OLFML2B: variants seen among roughly 807,000 people sequenced by gnomAD.
OLFML2B encodes the protein olfactomedin like 2B, also known as olfactomedin-like protein 2B.
A neutral mutation model predicts 74.9 loss-of-function variants in OLFML2B; 57 were observed. The observed-to-expected ratio is 0.76, with a 90% CI of 0.61 to 0.95. The LOEUF (loss-of-function observed/expected upper bound fraction) is 0.95. OLFML2B is among the 40% of genes least tolerant of loss of function. OLFML2B has a pLI of 0.00. For missense variants in OLFML2B, 986 were observed against 970.6 expected, an observed-to-expected ratio of 1.02 and a Z score of -0.21; for synonymous variants, 388 against 405.8, an observed-to-expected ratio of 0.96 and a Z score of 0.53.
At chr1:162,019,418 C>T (rs569218696) in intron 2 of OLFML2B, among the ~76,000 whole-genome samples, 1 of 152,288 alleles carries the variant, frequency 6.6e-6, no homozygotes, top group East Asian at 1.9e-4. Context: ...TCAGCCAACC[C>T]ATGGGGCTGC....
At chr1:161,994,730 C>A (rs531410927) in intron 6 of OLFML2B, among the ~76,000 whole-genome samples, 2 of 152,216 alleles carry the variant, frequency 1.3e-5, no homozygotes, top group Non-Finnish European at 2.9e-5. Context: ...TAGAGCTACA[C>A]TACGGCCAAA....
chr1:162,015,214 C>T (rs12119861), intron 3 of OLFML2B, among the ~76,000 whole-genome samples: 6,638 of 152,306 alleles, frequency 0.044, 217 homozygotes, highest in Middle Eastern at 0.082. Flanking sequence ...GTAACTAAAA[C>T]TGTTTTTTGC....
At position 161,983,522 on chromosome 1, in the gene OLFML2B, A is replaced by G; in HGVS notation, c.*153T>C. On this transcript the variant is annotated 3_prime_UTR_variant, in exon 8 of 8. Coordinates refer to ENST00000294794, the MANE Select transcript of OLFML2B (RefSeq NM_015441.3). ...ATTGATCTACAATCCATATAAAAAAATAGACCCAAATTGTCATTTTACATT... is the reference window on the plus strand; with the variant it reads ...ATTGATCTACAATCCATATAAAAAAGTAGACCCAAATTGTCATTTTACATT... 1.2e-6 allele frequency: 1 copy of G among 816,040 alleles called. No individual in the cohort carries two copies. Among genetic ancestry groups the G allele is most frequent in the Non-Finnish European group, 1.9e-6 (1 of 534,136 alleles). The allele number at this position is 816,040 out of a possible 1,614,324, so 50.5% of individuals were successfully genotyped here.
In OLFML2B at chr1:161,983,766, G is replaced by A. The variant is rs780240007; in HGVS notation, c.2162C>T (p.Thr721Met). 22 of 1,613,922 alleles carry A rather than the reference G, an allele frequency of 1.4e-5. No individual in the cohort carries two copies. Among genetic ancestry groups the A allele is most frequent in the South Asian group, 5.5e-5 (5 of 91,076 alleles). ...RLLFENEYSYTTQIDYNPKDR... is the reference protein window; with the variant it reads ...RLLFENEYSYMTQIDYNPKDR... Reference sequence around the variant, plus strand: ...CTTGGGGTTGTAGTCTATCTGGGTCGTATAGGAATACTCATTCTCGAACAG... The same window carrying A: ...CTTGGGGTTGTAGTCTATCTGGGTCATATAGGAATACTCATTCTCGAACAG... Residue 721 changes from threonine (T) to methionine (M), a missense_variant, in exon 8 of 8, where the codon ACG (threonine) becomes ATG (methionine). Thr to Met is a moderately conservative substitution (Grantham distance 81). Coordinates refer to ENST00000294794, the MANE Select transcript of OLFML2B (RefSeq NM_015441.3).
chr1:162,009,616 TAC>T (rs1240907232), intron 3 of OLFML2B, among the ~76,000 whole-genome samples: 1 of 152,166 alleles, frequency 6.6e-6, no homozygotes, highest in Non-Finnish European at 1.5e-5. Flanking sequence ...AGAGAAGCAG[TAC>T]AGTTTATTCC....
Position 161,984,149 on chromosome 1 carries a change from G to C in OLFML2B, c.1779C>G (p.Arg593=), listed in dbSNP as rs1216451414. 1.9e-6 allele frequency: 3 copies of C among 1,610,292 alleles called. No individual in the cohort carries two copies. The highest frequency in any genetic ancestry group is 1.7e-5 in the Admixed American group (1 of 59,494). Residue 593 remains arginine (R), a synonymous_variant, in exon 8 of 8, where the codon CGC becomes CGG. Coordinates refer to ENST00000294794, the MANE Select transcript of OLFML2B (RefSeq NM_015441.3). ...RNIIKYDLKQ[R]YVAAWAMLHD... is the part of the protein sequence containing the mutation. The stretch of plus-strand genomic sequence containing the variant: ...GCAGCATGGCCCAGGCAGCCACGTA[G>C]CGCTGCTTCAGGTCGTACTTGATGA...
chr1:162,023,467 G>C lies in OLFML2B; in HGVS notation c.-37C>G. 1 of 1,419,632 alleles carries C rather than the reference G, an allele frequency of 7.0e-7. No individual in the cohort carries two copies. The highest frequency in any genetic ancestry group is 9.3e-7 in the Non-Finnish European group (1 of 1,075,562). The allele number at this position is 1,419,632 out of a possible 1,614,324, so 87.9% of individuals were successfully genotyped here. A position where few individuals can be genotyped will look rare whatever the true frequency, so the allele number is the denominator to read the frequency against. On this transcript the variant is annotated 5_prime_UTR_variant, in exon 1 of 8. Transcript: ENST00000294794. ...TAAGAGTGTCCTCAGCCCCTTCAGA[G>C]AATGGCTGGGGCGGGGGGTCTCGGC...
intron 3 of OLFML2B, among the ~76,000 whole-genome samples, chr1:162,009,506 T>A (rs942836717): frequency 6.6e-6 from 1 of 152,152 alleles, no homozygotes; most frequent in African/African-American, 2.4e-5. Flanking sequence ...CCCCTTCACA[T>A]TGATTTATAG....
chr1:162,023,004 A>T (rs1390190914), intron 1 of OLFML2B, among the ~76,000 whole-genome samples: 1 of 152,148 alleles, frequency 6.6e-6, no homozygotes, highest in East Asian at 1.9e-4. Flanking sequence ...TCTTCTCAAG[A>T]AGTCGAGCGG....
At chr1:162,001,148 A>G (rs1219192629) in intron 4 of OLFML2B, among the ~76,000 whole-genome samples, 3 of 152,174 alleles carry the variant, frequency 2.0e-5, no homozygotes, top group Non-Finnish European at 4.4e-5. Context: ...CCCAGCTAAA[A>G]TTTCAGGTCC....
rs573618816 is a variant in OLFML2B, at chr1:161,985,072, T to G, written c.1475-92A>C. 3.7e-6 allele frequency: 5 copies of G among 1,357,470 alleles called. No individual in the cohort carries two copies. In the South Asian group the frequency reaches 7.3e-5, roughly 20 times the overall value. The allele number at this position is 1,357,470 out of a possible 1,614,324, so 84.1% of individuals were successfully genotyped here. A position where few individuals can be genotyped will look rare whatever the true frequency, so the allele number is the denominator to read the frequency against. Reference sequence around the variant, plus strand: ...CTGTTCATCCATTTAGAGTCTGGACTCCTCGGCAGGCTTTAACAGCCCTGT... The same window carrying G: ...CTGTTCATCCATTTAGAGTCTGGACGCCTCGGCAGGCTTTAACAGCCCTGT... On this transcript the variant is annotated intron_variant, in intron 6 of 7. Coordinates refer to ENST00000294794, the MANE Select transcript of OLFML2B (RefSeq NM_015441.3).
chr1:162,019,257 T>A (rs922924978), intron 2 of OLFML2B, among the ~76,000 whole-genome samples: 16 of 152,330 alleles, frequency 1.1e-4, no homozygotes, highest in African/African-American at 3.8e-4. Context: ...TATTACCACA[T>A]GTTATTCAAG....
chr1:161,985,091 GC>G (rs1689554766), intron 6 of OLFML2B, 111 bp from the exon 7 acceptor site: 1 of 1,137,052 alleles, frequency 8.8e-7, no homozygotes, highest in Non-Finnish European at 1.2e-6. Flanking sequence ...GGCTTTAACA[GC>G]CCTGTATAAC....
intron 6 of OLFML2B, among the ~76,000 whole-genome samples, chr1:161,997,424 C>T (rs1471303224): frequency 6.6e-6 from 1 of 152,182 alleles, no homozygotes; most frequent in African/African-American, 2.4e-5. Context: ...AAATCTGAGA[C>T]TTTCCCCCCA....
At chr1:161,990,694 A>G (rs187074465) in intron 6 of OLFML2B, among the ~76,000 whole-genome samples, 2 of 152,354 alleles carry the variant, frequency 1.3e-5, no homozygotes, top group Admixed American at 1.3e-4. Context: ...TCTTAAAATA[A>G]GACAACAATG....
In OLFML2B at chr1:161,992,127, T is replaced by C. The variant is rs148074665; in HGVS notation, c.1474+5698A>G. Among the ~76,000 whole-genome samples the C allele has an allele frequency of 7.0e-3, 1,064 of 152,370 alleles. 9 individuals carry two copies. Among genetic ancestry groups the C allele is most frequent in the African/African-American group, 0.023 (967 of 41,588 alleles). On this transcript the variant is annotated intron_variant, in intron 6 of 7. Coordinates refer to ENST00000294794, the MANE Select transcript of OLFML2B (RefSeq NM_015441.3). ...AACAATCTTAGCTAGATCTTCTAGA[T>C]AACTTGCTACAGCTTCTGCATTAGC...
At position 161,988,505 on chromosome 1, in the gene OLFML2B, A is replaced by G. The variant is rs904670254; in HGVS notation, c.1475-3525T>C. Reference sequence around the variant, plus strand: ...TTCTCCAGTCCTCTTATTCTAGTCAAGCCTCTGTTTTTTGCTTGGAAACTG... The same window carrying G: ...TTCTCCAGTCCTCTTATTCTAGTCAGGCCTCTGTTTTTTGCTTGGAAACTG... On this transcript the variant is annotated intron_variant, in intron 6 of 7. Transcript: ENST00000294794. 1.2e-4 allele frequency among the ~76,000 whole-genome samples: 18 copies of G among 151,810 alleles called. No homozygotes were observed. The South Asian group carries it at 3.8e-3, about 32-fold the overall frequency.
In OLFML2B at chr1:161,983,986, G is replaced by A. The variant is rs771392100; in HGVS notation, c.1942C>T (p.Leu648=). The A allele has an allele frequency of 3.7e-6, 6 of 1,614,214 alleles. No homozygotes were observed. The highest frequency in any genetic ancestry group is 2.2e-5 in the South Asian group (2 of 91,088). Reference sequence around the variant, plus strand: ...AGGTCCGCGGCATTGAGCTTGCTCAGGACAATGACCTCCTGGCTGAAGCCC... The same window carrying A: ...AGGTCCGCGGCATTGAGCTTGCTCAAGACAATGACCTCCTGGCTGAAGCCC... ...DEGFSQEVIV[L]SKLNAADLST... The change falls in exon 8 of 8, where the codon CTG becomes TTG. Residue 648 remains leucine, a synonymous_variant. Transcript: ENST00000294794.
Position 161,985,397 on chromosome 1 carries a change from T to C in OLFML2B, c.1475-417A>G, listed in dbSNP as rs547087080. Among the ~76,000 whole-genome samples the C allele has an allele frequency of 4.6e-5, 7 of 152,276 alleles. No homozygotes were observed. In the South Asian group the frequency reaches 1.0e-3, roughly 23 times the overall value. On this transcript the variant is annotated intron_variant, in intron 6 of 7. Coordinates refer to ENST00000294794, the MANE Select transcript of OLFML2B (RefSeq NM_015441.3). The stretch of plus-strand genomic sequence containing the variant: ...TCCTGCATCTCCACAATGTTTGTGC[T>C]TCTCTCTCCTCCCTCCACGCCTGCC...
Sources: gnomAD v4.1 joint callset for allele counts (sites outside exome capture counted in the v4.1 genomes callset) on GRCh38, gnomAD v4.1.1 for gene constraint, MANE v1.5 for transcripts, NCBI Gene and HGNC (gene_info 2026-07-23, HGNC 2026-07-21) for gene names.